Variants in PTPRN2 observed in about 807,000 individuals in gnomAD.
PTPRN2 encodes receptor-type tyrosine-protein phosphatase N2.
In PTPRN2, 74 loss-of-function variants were observed where a neutral mutation model predicts 118.8. The observed-to-expected ratio is 0.62, with a 90% confidence interval of 0.52 to 0.76. The LOEUF is 0.76. PTPRN2 is among the 30% of genes least tolerant of loss of function. The pLI, the probability that PTPRN2 is intolerant of heterozygous loss-of-function variation, is 0.00. For synonymous variants in PTPRN2, 641 were observed against 608.0 expected, an observed-to-expected ratio of 1.05 and a Z score of -0.80; for missense variants, 1,481 against 1,394.4, an observed-to-expected ratio of 1.06 and a Z score of -0.99.
At chr7:157,955,026 G>C (rs994165979) in intron 11 of PTPRN2, among the ~76,000 whole-genome samples, 2 of 152,150 alleles carry the variant, frequency 1.3e-5, no homozygotes, top group African/African-American at 4.8e-5. Flanking sequence ...GGAGTGAAGC[G>C]GGTGGGGTGG....
intron 12 of PTPRN2, among the ~76,000 whole-genome samples, chr7:157,742,957 C>T (rs1800718018): frequency 6.6e-6 from 1 of 152,238 alleles, no homozygotes; most frequent in Non-Finnish European, 1.5e-5. Flanking sequence ...TTCGGTATTG[C>T]ATGAACGTGA....
At chr7:157,999,155 C>A (rs553259617) in intron 11 of PTPRN2, among the ~76,000 whole-genome samples, 1 of 152,144 alleles carries the variant, frequency 6.6e-6, no homozygotes, top group African/African-American at 2.4e-5. Flanking sequence ...CAGCCCCTCA[C>A]ACCCCTGCAC....
chr7:157,733,188 T>TTACCCTTTCCCGTCCCAC (rs1800053396), intron 12 of PTPRN2, among the ~76,000 whole-genome samples: 1 of 22,768 alleles, frequency 4.4e-5, no homozygotes. Flanking sequence ...TCCCGTCCCA[T>TTACCCTTTCCCGTCCCAC]GCGCCCAGCA....
Position 157,801,489 on chromosome 7 carries a change from A to C in PTPRN2, c.1788+97184T>G, listed in dbSNP as rs1805301485. On this transcript the variant is annotated intron_variant, in intron 12 of 22. Transcript: ENST00000389418. The surrounding 1 kb of genome is among the most constrained non-coding windows in gnomAD (Gnocchi z 4.2). ...GCTGCATGGATTTTTTTAATGTCAA[A>C]TTCCATATGAAACAGCACAAATCCC... 6.6e-6 allele frequency among the ~76,000 whole-genome samples: 1 copy of C among 152,072 alleles called. No homozygotes were observed. Among genetic ancestry groups the C allele is most frequent in the African/African-American group, 2.4e-5 (1 of 41,406 alleles).
chr7:157,625,554 A>G (rs1373686417), intron 14 of PTPRN2, among the ~76,000 whole-genome samples: 1 of 152,188 alleles, frequency 6.6e-6, no homozygotes, highest in Non-Finnish European at 1.5e-5. Context: ...TAAGAAAGAT[A>G]CAATGGACTT....
Position 158,007,120 on chromosome 7 carries a change from C to A in PTPRN2, c.1723+74178G>T, listed in dbSNP as rs138357613. Among the ~76,000 whole-genome samples the A allele has an allele frequency of 3.8e-3, 583 of 152,304 alleles. 4 individuals carry two copies. Among genetic ancestry groups the A allele is most frequent in the African/African-American group, 0.012 (480 of 41,568 alleles). ...TCCAGTGTCTCTTCTTTCAAGGACA[C>A]CAGTCCTGCTGGAGCCAGGCCCACC... On this transcript the variant is annotated intron_variant, in intron 11 of 22. Coordinates refer to ENST00000389418, the MANE Select transcript of PTPRN2 (RefSeq NM_002847.5).
At chr7:157,816,757 C>T (rs1313229785) in intron 12 of PTPRN2, among the ~76,000 whole-genome samples, 1 of 152,202 alleles carries the variant, frequency 6.6e-6, no homozygotes, top group Non-Finnish European at 1.5e-5. Flanking sequence ...CCTCTGCCCT[C>T]TGCCCTCTGC....
intron 2 of PTPRN2, among the ~76,000 whole-genome samples, chr7:158,342,136 T>A (rs1486967037): frequency 8.1e-3 from 455 of 56,028 alleles, no homozygotes; most frequent in Middle Eastern, 0.047. Context: ...ATAAGAGCTG[T>A]CGCCCGCAGA....
intron 19 of PTPRN2, among the ~76,000 whole-genome samples, chr7:157,574,733 T>A (rs1474226268): frequency 2.0e-5 from 3 of 152,224 alleles, no homozygotes; most frequent in Non-Finnish European, 4.4e-5. Context: ...ATGGCCGGTG[T>A]CTTCAGAAGG....
intron 3 of PTPRN2, among the ~76,000 whole-genome samples, chr7:158,313,809 T>C (rs569139978): frequency 1.3e-5 from 2 of 152,370 alleles, no homozygotes; most frequent in Admixed American, 6.5e-5. Flanking sequence ...CATGGATATA[T>C]GAGACAAACT....
chr7:158,069,220 G>T (rs1054115299), intron 11 of PTPRN2, among the ~76,000 whole-genome samples: 2 of 152,104 alleles, frequency 1.3e-5, no homozygotes, highest in African/African-American at 4.8e-5. Flanking sequence ...ATAGGGTCAC[G>T]CTCTATCACC....
intron 11 of PTPRN2, among the ~76,000 whole-genome samples, chr7:157,952,216 C>T (rs979356927): frequency 5.3e-5 from 8 of 152,154 alleles, no homozygotes; most frequent in East Asian, 1.9e-4. Context: ...CAGCTAGCCT[C>T]GCCAGACGCG....
intron 12 of PTPRN2, among the ~76,000 whole-genome samples, chr7:157,848,846 C>T (rs1033908360): frequency 6.6e-6 from 1 of 152,248 alleles, no homozygotes; most frequent in Admixed American, 6.5e-5. Context: ...GCCCCGACGC[C>T]TCTGCAGTCC....
chr7:157,582,217 C>T (rs562559249), intron 17 of PTPRN2, among the ~76,000 whole-genome samples: 2 of 152,344 alleles, frequency 1.3e-5, no homozygotes, highest in South Asian at 2.1e-4. Context: ...ACCCCGCCTA[C>T]GCTTCCTATC....
At chr7:157,628,424 G>A (rs537942929) in intron 14 of PTPRN2, among the ~76,000 whole-genome samples, 32 of 152,266 alleles carry the variant, frequency 2.1e-4, no homozygotes, top group Admixed American at 1.5e-3. Flanking sequence ...CCTGTCACTC[G>A]CAGAGATGAA....
chr7:158,071,000 C>G (rs1438216366), intron 11 of PTPRN2, among the ~76,000 whole-genome samples: 12 of 81,074 alleles, frequency 1.5e-4, no homozygotes, highest in African/African-American at 8.1e-4. Flanking sequence ...TGGAGGTGCT[C>G]ATGGTGGTGG....
At chr7:157,879,221 G>C (rs1372864032) in intron 12 of PTPRN2, among the ~76,000 whole-genome samples, 1 of 152,016 alleles carries the variant, frequency 6.6e-6, no homozygotes. Context: ...GGCTGGAAGG[G>C]TCAGTGTGAT....
chr7:158,213,586 A>C (rs1827762779), intron 3 of PTPRN2, among the ~76,000 whole-genome samples: 1 of 152,162 alleles, frequency 6.6e-6, no homozygotes, highest in African/African-American at 2.4e-5. Context: ...TTTAAGATTA[A>C]ATGTACTTAA....
At chr7:157,982,486 G>A (rs74220321) in intron 11 of PTPRN2, among the ~76,000 whole-genome samples, 3 of 143,404 alleles carry the variant, frequency 2.1e-5, no homozygotes, top group Non-Finnish European at 3.1e-5. Flanking sequence ...AGATGAGGAG[G>A]GGAATGCAGA....
Sources: gnomAD v4.1 joint callset for allele counts (sites outside exome capture counted in the v4.1 genomes callset) on GRCh38, gnomAD v4.1.1 for gene constraint, Gnocchi (gnomAD v3.1) non-coding constraint, MANE v1.5 for transcripts, NCBI Gene and HGNC (gene_info 2026-07-23, HGNC 2026-07-21) for gene names.